MAP3K14: variants seen among roughly 807,000 people sequenced by gnomAD.
MAP3K14 encodes mitogen-activated protein kinase kinase kinase 14.
MAP3K14 carries 16 observed loss-of-function variants against 99.2 expected under a neutral mutation model. The observed-to-expected ratio is 0.16, with a 90% CI of 0.11 to 0.24. The LOEUF (loss-of-function observed/expected upper bound fraction) is 0.24, where lower values mean the gene tolerates loss of function less well. MAP3K14 is among the 10% of genes least tolerant of loss of function. The pLI is 1.00. For missense variants in MAP3K14, 784 were observed against 1,208.7 expected (o/e 0.65, Z 5.21); for synonymous variants, 462 against 492.4 (o/e 0.94, Z 0.82).
At position 45,267,957 on chromosome 17, in the gene MAP3K14, A is replaced by G. The variant is rs2044109164; in HGVS notation, c.1973-198T>C. 1.8e-6 allele frequency: 1 copy of G among 543,292 alleles called. No individual in the cohort carries two copies. The highest frequency in any genetic ancestry group is 2.6e-5 in the South Asian group (1 of 38,904). The allele number at this position is 543,292 out of a possible 1,614,324, so 33.7% of individuals were successfully genotyped here. ...AGACTTCCTCAATAAAATGGTCCCA[A>G]TATGACAGGGATAGGACTGGATTTC... On this transcript the variant is annotated intron_variant, in intron 11 of 15. Transcript: ENST00000344686. The surrounding 1 kb of genome is among the most constrained non-coding windows in gnomAD (Gnocchi z 5.1).
chr17:45,311,733 T>C (rs902742661), intron 1 of MAP3K14, among the ~76,000 whole-genome samples: 1 of 152,160 alleles, frequency 6.6e-6, no homozygotes, highest in African/African-American at 2.4e-5. Flanking sequence ...AGACTCCAAC[T>C]CAGGTGGCTG....
Position 45,294,479 on chromosome 17 carries a change from C to T in MAP3K14, c.-20-3714G>A, listed in dbSNP as rs139938150. Among the ~76,000 whole-genome samples, 77 of 152,320 alleles carry T rather than the reference C, an allele frequency of 5.1e-4. 1 individual carries two copies. The highest frequency in any genetic ancestry group is 1.8e-3 in the African/African-American group (76 of 41,562). The stretch of plus-strand genomic sequence containing the variant: ...GTAATTTGCATTTTTCCAGGGAAGA[C>T]TTGGTCCATAGCTTTCAACAGATTC... On this transcript the variant is annotated intron_variant, in intron 1 of 15. Coordinates refer to ENST00000344686, the MANE Select transcript of MAP3K14 (RefSeq NM_003954.5).
chr17:45,275,275 T>C (rs36107645), intron 6 of MAP3K14, among the ~76,000 whole-genome samples: 40,120 of 151,610 alleles, frequency 0.26, 5,869 homozygotes, highest in African/African-American at 0.38. Context: ...CAAGACCATC[T>C]TGGCCAACAT....
chr17:45,290,897 A>G, intron 1 of MAP3K14, 132 bp from the exon 2 acceptor site: 1 of 782,574 alleles, frequency 1.3e-6, no homozygotes, highest in Non-Finnish European at 2.1e-6. Flanking sequence ...TGCCACACAT[A>G]CTCATCCTCC....
At chr17:45,304,791 G>A (rs1458209258) in intron 1 of MAP3K14, among the ~76,000 whole-genome samples, 3 of 152,164 alleles carry the variant, frequency 2.0e-5, no homozygotes, top group African/African-American at 7.2e-5. Context: ...GATGGCCTTG[G>A]AGTCAGAAGA....
At chr17:45,306,086 G>A (rs183624926) in intron 1 of MAP3K14, among the ~76,000 whole-genome samples, 41 of 152,300 alleles carry the variant, frequency 2.7e-4, no homozygotes, top group Middle Eastern at 6.8e-3. Flanking sequence ...AATAATGACA[G>A]CTATTATTAT....
chr17:45,269,054 T>C (rs906404886), intron 11 of MAP3K14, among the ~76,000 whole-genome samples: 1 of 152,306 alleles, frequency 6.6e-6, no homozygotes, highest in Non-Finnish European at 1.5e-5. Context: ...CGGGTCTCTG[T>C]TGCGCAGGCT....
chr17:45,311,589 C>T (rs938134781), intron 1 of MAP3K14, among the ~76,000 whole-genome samples: 2 of 152,102 alleles, frequency 1.3e-5, no homozygotes, highest in Non-Finnish European at 2.9e-5. Flanking sequence ...AGGAGTACCC[C>T]CTGCTGCTTC....
At position 45,286,585 on chromosome 17, in the gene MAP3K14, A is replaced by T; in HGVS notation, c.998T>A (p.Val333Glu). The stretch of plus-strand genomic sequence containing the variant: ...CAGAGCATGCACTAGGTATTCCTCC[A>T]CAGAAAACTTCTCATGGGCACCACG... ...LSRGAHEKFS[V>E]EEYLVHALQG... Residue 333 changes from valine to glutamate, a missense_variant, in exon 5 of 16, where the codon GTG becomes GAG. This residue lies in a region of MAP3K14 where 138 missense variants were observed against 164.1 expected (regional missense o/e 0.84). Transcript: ENST00000344686. This position sits in a 1 kb window ranked among gnomAD's most constrained non-coding sequence, Gnocchi z 4.1. 1 of 1,611,496 alleles carries T rather than the reference A, an allele frequency of 6.2e-7. No homozygotes were observed. The highest frequency in any genetic ancestry group is 8.5e-7 in the Non-Finnish European group (1 of 1,178,980).
At position 45,274,469 on chromosome 17, in the gene MAP3K14, A is replaced by C. The variant is rs755688023; in HGVS notation, c.1415T>G (p.Leu472Arg). The change falls in exon 7 of 16, where the codon CTG becomes CGG. Residue 472 changes from leucine (L) to arginine (R), a missense_variant. By Grantham distance (102) the Leu-to-Arg change is moderately radical. Around this residue, in one of 5 missense-constraint regions of MAP3K14, gnomAD observed 200 missense variants for 367.9 expected, o/e 0.54. Transcript: ENST00000344686. ...AGTGGGACCTGGCTCCTTACCTTCC[A>C]GCAGCTCCATGAAGATGTTGACCCA... ...GPWVNIFMELLEGGSLGQLVK... is the reference protein window; with the variant it reads ...GPWVNIFMELREGGSLGQLVK... 7 of 1,613,818 alleles carry C rather than the reference A, an allele frequency of 4.3e-6. No homozygotes were observed. The highest frequency in any genetic ancestry group is 5.9e-6 in the Non-Finnish European group (7 of 1,179,816).
intron 1 of MAP3K14, among the ~76,000 whole-genome samples, chr17:45,303,981 A>G (rs549865975): frequency 9.4e-4 from 143 of 151,354 alleles, no homozygotes; most frequent in Non-Finnish European, 1.7e-3. Flanking sequence ...ATTCCATCTC[A>G]GCACATTTAG....
chr17:45,278,443 T>C (rs1472885942), intron 6 of MAP3K14, among the ~76,000 whole-genome samples: 1 of 152,190 alleles, frequency 6.6e-6, no homozygotes, highest in African/African-American at 2.4e-5. Flanking sequence ...AATGCCCACT[T>C]ATCATTTCCC....
At chr17:45,284,364 G>C (rs1204777518) in intron 6 of MAP3K14, among the ~76,000 whole-genome samples, 1 of 152,246 alleles carries the variant, frequency 6.6e-6, no homozygotes, top group Non-Finnish European at 1.5e-5. Context: ...GACTCTGGCA[G>C]ATCTGCCCAC....
At position 45,274,445 on chromosome 17, in the gene MAP3K14, G is replaced by A. The variant is rs780703431; in HGVS notation, c.1420+19C>T. 5 of 1,613,044 alleles carry A rather than the reference G, an allele frequency of 3.1e-6. No homozygotes were observed. Among genetic ancestry groups the A allele is most frequent in the Non-Finnish European group, 3.4e-6 (4 of 1,179,506 alleles). On this transcript the variant is annotated intron_variant, in intron 7 of 15. Transcript: ENST00000344686. ...TCTTGGCCCTGAATTTGGAGAAAGA[G>A]TGGGACCTGGCTCCTTACCTTCCAG...
chr17:45,286,649 G>T lies in MAP3K14; in HGVS notation c.934C>A (p.Pro312Thr), dbSNP rs201022790. 3.0e-5 allele frequency: 48 copies of T among 1,610,314 alleles called. No homozygotes were observed. Among genetic ancestry groups the T allele is most frequent in the Non-Finnish European group, 3.9e-5 (46 of 1,178,538 alleles). ...GGCTCCAGGTGTGGGCCAGGCAGGG[G>T]CTTTGGACTGTCTACACAGGCCAGT... Reference protein sequence around the residue: ...SKLACVDSPKPLPGPHLEPSC... With the variant: ...SKLACVDSPKTLPGPHLEPSC... The change falls in exon 5 of 16, where the codon CCC (proline) becomes ACC (threonine). Residue 312 changes from proline (P) to threonine (T), a missense_variant. Around this residue, in one of 5 missense-constraint regions of MAP3K14, gnomAD observed 138 missense variants for 164.1 expected, o/e 0.84. Transcript: ENST00000344686. The surrounding 1 kb of genome is among the most constrained non-coding windows in gnomAD (Gnocchi z 4.1).
chr17:45,307,902 C>T (rs570029911), intron 1 of MAP3K14, among the ~76,000 whole-genome samples: 23 of 152,362 alleles, frequency 1.5e-4, no homozygotes, highest in African/African-American at 5.5e-4. Context: ...TGTGGCGGGG[C>T]AACCTTGACC....
chr17:45,266,420 C>T (rs935949059), intron 14 of MAP3K14, 117 bp downstream of exon 14: 33 of 1,346,832 alleles, frequency 2.5e-5, no homozygotes, highest in East Asian at 1.4e-4. Flanking sequence ...TGGGACCAGG[C>T]GCCTTCCTCC....
chr17:45,293,304 G>A (rs758259917), intron 1 of MAP3K14, among the ~76,000 whole-genome samples: 4 of 152,172 alleles, frequency 2.6e-5, no homozygotes, highest in Non-Finnish European at 4.4e-5. Context: ...GCCTGTCTCC[G>A]CCTGGCATGG....
chr17:45,265,840 C>G (rs945870196), intron 14 of MAP3K14, among the ~76,000 whole-genome samples: 2 of 152,228 alleles, frequency 1.3e-5, no homozygotes, highest in African/African-American at 4.8e-5. Context: ...TGGGATTTGG[C>G]CTGTGCATTG....
Sources: allele counts gnomAD v4.1 joint callset (sites outside exome capture counted in the v4.1 genomes callset), GRCh38; gene constraint gnomAD v4.1.1; regional missense constraint gnomAD v4.1.1; non-coding constraint Gnocchi (gnomAD v3.1); transcripts MANE v1.5; gene names NCBI Gene and HGNC (gene_info 2026-07-23, HGNC 2026-07-21).